Variants in CREBBP observed in about 807,000 individuals in gnomAD.
CREBBP encodes CREB binding lysine acetyltransferase, also known as CREB-binding protein.
A neutral mutation model predicts 265.0 loss-of-function variants in CREBBP; 19 were observed. That is an observed-to-expected ratio of 0.07 (90% CI 0.05 to 0.11). CREBBP has a LOEUF of 0.11. Among genes scored for constraint, CREBBP ranks in the 10% least tolerant of loss-of-function variants. The pLI is 1.00. For missense variants in CREBBP, 2,525 were observed against 3,219.0 expected, an observed-to-expected ratio of 0.78 and a Z score of 5.22; for synonymous variants, 1,457 against 1,223.7, an observed-to-expected ratio of 1.19 and a Z score of -3.98.
chr16:3,851,942 G>C (rs1189706247), intron 1 of CREBBP, among the ~76,000 whole-genome samples: 3 of 140,756 alleles, frequency 2.1e-5, no homozygotes, highest in African/African-American at 7.8e-5. Flanking sequence ...GGAGGCTTAG[G>C]CAGGAGAATG....
chr16:3,827,701 T>A (rs2054265158), intron 2 of CREBBP, among the ~76,000 whole-genome samples: 1 of 151,992 alleles, frequency 6.6e-6, no homozygotes, highest in Admixed American at 6.6e-5. Flanking sequence ...ACTTACTTTT[T>A]ATTTTTTTAG....
intron 15 of CREBBP, 142 bp downstream of exon 15, chr16:3,769,032 T>C (rs1037892983): frequency 2.2e-6 from 2 of 913,442 alleles, no homozygotes; most frequent in African/African-American, 1.6e-5. Flanking sequence ...CAATTTCCTA[T>C]ACACCAAACC....
At chr16:3,801,740 C>T (rs1011554817) in intron 3 of CREBBP, among the ~76,000 whole-genome samples, 9 of 152,156 alleles carry the variant, frequency 5.9e-5, no homozygotes, top group African/African-American at 1.9e-4. Flanking sequence ...TAATCGGGTA[C>T]ATGGCTTTTG....
chr16:3,874,135 T>G (rs529528996), intron 1 of CREBBP, among the ~76,000 whole-genome samples: 21 of 152,076 alleles, frequency 1.4e-4, no homozygotes, highest in Non-Finnish European at 2.9e-4. Context: ...CAAAGAAAAA[T>G]GCAACCGGTC....
intron 3 of CREBBP, among the ~76,000 whole-genome samples, chr16:3,795,716 G>A (rs1050486723): frequency 6.6e-6 from 1 of 152,126 alleles, no homozygotes; most frequent in African/African-American, 2.4e-5. Context: ...CTGCTCAACT[G>A]GCTTATCCCT....
In CREBBP at chr16:3,741,441, AT is replaced by A. The variant is rs568157529; in HGVS notation, c.3983-893del. 3.3e-3 allele frequency: 503 copies of A among 152,368 alleles called. 6 individuals are homozygous for A. The highest frequency in any genetic ancestry group is 0.011 in the African/African-American group (470 of 41,576). The allele number at this position is 152,368 out of a possible 1,614,324, so 9.4% of individuals were successfully genotyped here. On this transcript the variant is annotated intron_variant, in intron 23 of 30. Coordinates refer to ENST00000262367, the MANE Select transcript of CREBBP (RefSeq NM_004380.3). ...AATTTAGACCAAACTTCTAAATTTC[AT>A]TTTTCTGCAATAAACAAACCAGTGG...
intron 3 of CREBBP, among the ~76,000 whole-genome samples, chr16:3,804,247 C>A (rs952023654): frequency 2.0e-5 from 3 of 152,186 alleles, no homozygotes; most frequent in Admixed American, 6.5e-5. Flanking sequence ...TTACTAAAAA[C>A]TTAAAGTTTT....
chr16:3,731,179 G>A lies in CREBBP; in HGVS notation c.5172+13C>T, dbSNP rs750893559. The A allele has an allele frequency of 2.5e-6, 4 of 1,607,218 alleles. No homozygotes were observed. Among genetic ancestry groups the A allele is most frequent in the Non-Finnish European group, 3.4e-6 (4 of 1,175,806 alleles). ...AGGCCGGCTGTGGGGGTGGGGGTGGGGGCAGGGCCTACCTCGCACACAGTG... is the reference window on the plus strand; with the variant it reads ...AGGCCGGCTGTGGGGGTGGGGGTGGAGGCAGGGCCTACCTCGCACACAGTG... On this transcript the variant is annotated intron_variant, in intron 30 of 30. Transcript: ENST00000262367. This position sits in a 1 kb window ranked among gnomAD's most constrained non-coding sequence, Gnocchi z 7.7.
chr16:3,817,603 A>C (rs1306900691), intron 2 of CREBBP, among the ~76,000 whole-genome samples: 2 of 152,242 alleles, frequency 1.3e-5, no homozygotes, highest in Non-Finnish European at 2.9e-5. Flanking sequence ...CAATATCATC[A>C]GAAAAACTCC....
chr16:3,744,013 T>A (rs58109550), intron 23 of CREBBP, among the ~76,000 whole-genome samples: 2 of 151,376 alleles, frequency 1.3e-5, no homozygotes, highest in African/African-American at 2.4e-5. Context: ...GAGGTGGAGG[T>A]TGCAGTGAGC....
At chr16:3,737,365 C>G (rs1463215820) in intron 26 of CREBBP, among the ~76,000 whole-genome samples, 1 of 151,988 alleles carries the variant, frequency 6.6e-6, no homozygotes, top group African/African-American at 2.4e-5. Context: ...TCACAAAAGA[C>G]AAATTCAGAG....
rs190712113 is a variant in CREBBP at position 3,748,830 on chromosome 16, C to T, written c.3836+797G>A. Among the ~76,000 whole-genome samples the T allele has an allele frequency of 5.0e-4, 76 of 152,276 alleles. No individual in the cohort carries two copies. The East Asian group carries it at 0.013, about 26-fold the overall frequency. The stretch of plus-strand genomic sequence containing the variant: ...TGAAGCAAGGTTAGCAAATGCAGCA[C>T]TCTCACTCATCACTGTAGAAAAGTG... On this transcript the variant is annotated intron_variant, in intron 21 of 30. Transcript: ENST00000262367.
At position 3,728,363 on chromosome 16, in the gene CREBBP, G is replaced by T; in HGVS notation, c.6684C>A (p.His2228Gln). Residue 2228 changes from histidine (H) to glutamine (Q), a missense_variant, in exon 31 of 31, where the codon CAC becomes CAA. By Grantham distance (24) the His-to-Gln change is conservative (BLOSUM62 0). This residue lies in a region of CREBBP where 473 missense variants were observed against 459.3 expected (regional missense o/e 1.03). Transcript: ENST00000262367. This position sits in a 1 kb window ranked among gnomAD's most constrained non-coding sequence, Gnocchi z 8.7. ...GTCCTTGAGGCTGCTGGAACTGGCC[G>T]TGCCCCGCCATGCCCCCAGCCATGC... ...SAGMAGGMAG[H>Q]GQFQQPQGPG... 1.2e-6 allele frequency: 2 copies of T among 1,608,034 alleles called. No homozygotes were observed. Among genetic ancestry groups the T allele is most frequent in the East Asian group, 4.5e-5 (2 of 44,478 alleles).
intron 24 of CREBBP, among the ~76,000 whole-genome samples, chr16:3,739,939 C>A (rs1204194363): frequency 3.9e-5 from 6 of 152,200 alleles, no homozygotes; most frequent in African/African-American, 1.4e-4. Flanking sequence ...GGAACTGCAC[C>A]TCTGTGAATG....
chr16:3,747,443 T>C (rs1239465183), intron 21 of CREBBP, among the ~76,000 whole-genome samples: 1 of 152,180 alleles, frequency 6.6e-6, no homozygotes, highest in East Asian at 1.9e-4. Context: ...TCAATGTAAA[T>C]GTCATCTTGT....
chr16:3,856,502 G>T (rs533713110), intron 1 of CREBBP, among the ~76,000 whole-genome samples: 16 of 151,828 alleles, frequency 1.1e-4, no homozygotes, highest in African/African-American at 2.4e-4. Context: ...ATTTTTTTTT[G>T]TAGAGATGGG....
chr16:3,786,530 A>C (rs1355902633), intron 5 of CREBBP, among the ~76,000 whole-genome samples: 1 of 152,188 alleles, frequency 6.6e-6, no homozygotes, highest in Non-Finnish European at 1.5e-5. Context: ...CAAATCTCCA[A>C]ACTTTGTGAG....
intron 19 of CREBBP, among the ~76,000 whole-genome samples, chr16:3,752,112 CCAT>C (rs1196696150): frequency 1.3e-5 from 2 of 152,106 alleles, no homozygotes; most frequent in African/African-American, 4.8e-5. Context: ...ACATCACAGG[CCAT>C]CATCACTAAC....
chr16:3,847,219 G>C (rs1055549891), intron 2 of CREBBP, among the ~76,000 whole-genome samples: 2 of 152,176 alleles, frequency 1.3e-5, no homozygotes, highest in African/African-American at 4.8e-5. Flanking sequence ...TGCTTATGTA[G>C]TCTGGTTTCA....
Sources: gnomAD v4.1 joint callset for allele counts (sites outside exome capture counted in the v4.1 genomes callset) on GRCh38, gnomAD v4.1.1 for gene constraint, gnomAD v4.1.1 regional missense constraint, Gnocchi (gnomAD v3.1) non-coding constraint, MANE v1.5 for transcripts, NCBI Gene and HGNC (gene_info 2026-07-23, HGNC 2026-07-21) for gene names.